The following FAM174A variants were observed in gnomAD, a reference collection of about 807,000 sequenced individuals.
FAM174A encodes membrane protein FAM174A.
A neutral mutation model predicts 14.3 loss-of-function variants in FAM174A; 14 were observed. That is an observed-to-expected ratio of 0.98 (90% CI 0.65 to 1.53). The LOEUF (loss-of-function observed/expected upper bound fraction) is 1.53, where lower values mean the gene tolerates loss of function less well. FAM174A is among the 40% of genes most tolerant of loss of function. The pLI, the probability that FAM174A is intolerant of heterozygous loss-of-function variation, is 0.00. For synonymous variants in FAM174A, 108 were observed against 111.4 expected (o/e 0.97, Z 0.19); for missense variants, 241 against 249.6 (o/e 0.97, Z 0.23).
At chr5:100,548,609 C>T (rs1359141645) in intron 1 of FAM174A, among the ~76,000 whole-genome samples, 1 of 152,094 alleles carries the variant, frequency 6.6e-6, no homozygotes, top group Admixed American at 6.6e-5. Context: ...AGTCAGCTTA[C>T]TCGTGTATGA....
chr5:100,577,751 G>T (rs1283163406), intron 2 of FAM174A, among the ~76,000 whole-genome samples: 1 of 151,982 alleles, frequency 6.6e-6, no homozygotes, highest in Non-Finnish European at 1.5e-5. Flanking sequence ...CTGGTATGTT[G>T]GTAGTAGGAT....
At chr5:100,583,830 T>C (rs774002302) in intron 2 of FAM174A, among the ~76,000 whole-genome samples, 1 of 152,200 alleles carries the variant, frequency 6.6e-6, no homozygotes, top group African/African-American at 2.4e-5. Context: ...TTCTAGACTT[T>C]CATGACGTTC....
intron 1 of FAM174A, among the ~76,000 whole-genome samples, chr5:100,556,344 G>T (rs949304686): frequency 6.6e-6 from 1 of 152,126 alleles, no homozygotes; most frequent in East Asian, 1.9e-4. Context: ...GGTTACTGTA[G>T]CCTTGTAGTA....
intron 1 of FAM174A, among the ~76,000 whole-genome samples, chr5:100,551,775 C>A (rs1021458151): frequency 6.6e-6 from 1 of 152,056 alleles, no homozygotes; most frequent in African/African-American, 2.4e-5. Flanking sequence ...CTGTTCTGGG[C>A]CTCTCTTGAT....
chr5:100,585,706 G>A (rs546201161), intron 2 of FAM174A, among the ~76,000 whole-genome samples: 31 of 152,190 alleles, frequency 2.0e-4, no homozygotes, highest in Non-Finnish European at 3.8e-4. Flanking sequence ...GAGCCATCAC[G>A]CCCGGCCTTT....
chr5:100,565,339 G>C (rs889252172), intron 2 of FAM174A, among the ~76,000 whole-genome samples: 1 of 151,878 alleles, frequency 6.6e-6, no homozygotes, highest in Non-Finnish European at 1.5e-5. Flanking sequence ...AAACTAAAAT[G>C]CTTCTGCACA....
At chr5:100,548,442 A>G (rs1040119640) in intron 1 of FAM174A, among the ~76,000 whole-genome samples, 3 of 152,136 alleles carry the variant, frequency 2.0e-5, no homozygotes, top group Non-Finnish European at 2.9e-5. Context: ...ACTAGAAAAT[A>G]TGGCTCAACT....
intron 1 of FAM174A, among the ~76,000 whole-genome samples, chr5:100,538,148 A>G (rs1230512888): frequency 6.6e-6 from 1 of 152,162 alleles, no homozygotes; most frequent in Non-Finnish European, 1.5e-5. Context: ...AATGATGCTA[A>G]CAATGTCTGG....
At chr5:100,547,064 G>A (rs941418839) in intron 1 of FAM174A, among the ~76,000 whole-genome samples, 1 of 151,876 alleles carries the variant, frequency 6.6e-6, no homozygotes, top group African/African-American at 2.4e-5. Flanking sequence ...TATTCTGATG[G>A]TTTATCTTAT....
intron 1 of FAM174A, among the ~76,000 whole-genome samples, chr5:100,547,150 C>T (rs1746178863): frequency 6.6e-6 from 1 of 152,020 alleles, no homozygotes. Flanking sequence ...AGTTGCTCAT[C>T]CCAGGCTTGT....
rs1323847865 is a variant in FAM174A at position 100,586,362 on chromosome 5, G to A, written c.*178G>A. The A allele has an allele frequency of 2.6e-6, 1 of 383,538 alleles. No individual in the cohort carries two copies. The highest frequency in any genetic ancestry group is 4.8e-6 in the Non-Finnish European group (1 of 207,138). The allele number at this position is 383,538 out of a possible 1,614,324, so 23.8% of individuals were successfully genotyped here. A position where few individuals can be genotyped will look rare whatever the true frequency, so the allele number is the denominator to read the frequency against. Reference sequence around the variant, plus strand: ...GTATCCTTTTATTATATCTTTATATGTATAGAAGTACTCTGTTAATGGGCT... The same window carrying A: ...GTATCCTTTTATTATATCTTTATATATATAGAAGTACTCTGTTAATGGGCT... On this transcript the variant is annotated 3_prime_UTR_variant, in exon 3 of 3. Coordinates refer to ENST00000312637, the MANE Select transcript of FAM174A (RefSeq NM_198507.3).
chr5:100,580,802 TG>T (rs1246654244), intron 2 of FAM174A, among the ~76,000 whole-genome samples: 1 of 152,212 alleles, frequency 6.6e-6, no homozygotes, highest in African/African-American at 2.4e-5. Flanking sequence ...TTGTCCTGCT[TG>T]GTTTTGGAGC....
chr5:100,556,416 G>T (rs1746383233), intron 1 of FAM174A, among the ~76,000 whole-genome samples: 1 of 152,122 alleles, frequency 6.6e-6, no homozygotes, highest in African/African-American at 2.4e-5. Context: ...GATTGACTTG[G>T]CGATGTGGGC....
chr5:100,549,196 AAAG>A (rs1248396734), intron 1 of FAM174A, among the ~76,000 whole-genome samples: 1 of 152,140 alleles, frequency 6.6e-6, no homozygotes, highest in African/African-American at 2.4e-5. Flanking sequence ...GAGAGGCTAC[AAAG>A]GATGAATCTT....
chr5:100,544,606 T>C (rs1182451785), intron 1 of FAM174A, among the ~76,000 whole-genome samples: 1 of 152,228 alleles, frequency 6.6e-6, no homozygotes, highest in African/African-American at 2.4e-5. Flanking sequence ...TGCAATAATG[T>C]AGTCATTTTA....
intron 1 of FAM174A, among the ~76,000 whole-genome samples, chr5:100,538,530 T>C (rs1342101809): frequency 6.8e-6 from 1 of 147,822 alleles, no homozygotes; most frequent in African/African-American, 2.6e-5. Flanking sequence ...TATGTAAGTG[T>C]ATATATATAT....
intron 1 of FAM174A, among the ~76,000 whole-genome samples, chr5:100,557,771 A>G (rs983022128): frequency 2.6e-5 from 4 of 152,002 alleles, no homozygotes; most frequent in African/African-American, 9.7e-5. Context: ...TTGCCATGGG[A>G]TCGGTGGTCA....
At chr5:100,554,195 G>A (rs533781083) in intron 1 of FAM174A, among the ~76,000 whole-genome samples, 1 of 151,246 alleles carries the variant, frequency 6.6e-6, no homozygotes, top group Admixed American at 6.6e-5. Flanking sequence ...TTTCCAACTA[G>A]TTTCACTCAC....
At chr5:100,559,082 T>C (rs1746464642) in intron 1 of FAM174A, among the ~76,000 whole-genome samples, 1 of 152,188 alleles carries the variant, frequency 6.6e-6, no homozygotes, top group South Asian at 2.1e-4. Flanking sequence ...GTACCAATTG[T>C]TCCTTTCCAT....
Sources: allele counts gnomAD v4.1 joint callset (sites outside exome capture counted in the v4.1 genomes callset), GRCh38; gene constraint gnomAD v4.1.1; transcripts MANE v1.5; gene names NCBI Gene and HGNC (gene_info 2026-07-23, HGNC 2026-07-21).